Variants in PCDHA4 observed in about 807,000 individuals in gnomAD.
PCDHA4 encodes the protein protocadherin alpha 4, also known as protocadherin alpha-4.
A neutral mutation model predicts 61.4 loss-of-function variants in PCDHA4; 49 were observed. The ratio of observed to expected loss-of-function variants is 0.80; its 90% CI spans 0.63 to 1.01. The LOEUF is 1.01. Among genes scored for constraint, PCDHA4 ranks in the 50% least tolerant of loss-of-function variants. The pLI is 0.00. For missense variants in PCDHA4, 1,254 were observed against 1,235.8 expected (o/e 1.01, Z -0.22); for synonymous variants, 590 against 550.3 (o/e 1.07, Z -1.01).
chr5:140,962,087 A>G (rs1284028102), intron 1 of PCDHA4, among the ~76,000 whole-genome samples: 10 of 151,912 alleles, frequency 6.6e-5, no homozygotes, highest in Non-Finnish European at 1.3e-4. Flanking sequence ...GGGTTTCACC[A>G]TGTTAGCCAG....
chr5:140,897,227 C>T (rs1554187259), intron 1 of PCDHA4, among the ~76,000 whole-genome samples: 1 of 152,036 alleles, frequency 6.6e-6, no homozygotes, highest in Non-Finnish European at 1.5e-5. Flanking sequence ...TACATGTGCA[C>T]AATGTGCAGG....
Position 141,003,903 on chromosome 5 carries a change from G to C in PCDHA4, c.2534-5724G>C, listed in dbSNP as rs150270772. Among the ~76,000 whole-genome samples, 254 of 152,194 alleles carry C rather than the reference G, an allele frequency of 1.7e-3. 1 individual carries two copies. Among genetic ancestry groups the C allele is most frequent in the Non-Finnish European group, 3.4e-3 (231 of 67,998 alleles). ...AGCCTCTTAACAGGCCCATTCATTT[G>C]GGTCTTGACTGCATCCTCAGTCTTG... On this transcript the variant is annotated intron_variant, in intron 3 of 3. Coordinates refer to ENST00000530339, the MANE Select transcript of PCDHA4 (RefSeq NM_018907.4).
rs1554125126 is a variant in PCDHA4 at position 140,809,303 on chromosome 5, G to A, written c.2116G>A (p.Ala706Thr). The change falls in exon 1 of 4, where the codon GCG becomes ACG. Residue 706 changes from alanine (A) to threonine (T), a missense_variant. Physicochemically the swap from Ala to Thr is moderately conservative, Grantham distance 58 (BLOSUM62 0). Coordinates refer to ENST00000530339, the MANE Select transcript of PCDHA4 (RefSeq NM_018907.4). ...CGTATACCTGATCATTGCCATCTGC[G>A]CGGTGTCCAGCCTTTTGGTGCTCAC... ...VNVYLIIAIC[A>T]VSSLLVLTLL... 2.2e-5 allele frequency: 35 copies of A among 1,614,100 alleles called. No individual in the cohort carries two copies. Among genetic ancestry groups the A allele is most frequent in the East Asian group, 8.9e-5 (4 of 44,870 alleles).
chr5:140,977,266 A>G (rs2096753154), intron 1 of PCDHA4, among the ~76,000 whole-genome samples: 3 of 152,240 alleles, frequency 2.0e-5, no homozygotes, highest in Admixed American at 1.3e-4. Context: ...CAGATGTTAC[A>G]GTCTTTCTCA....
At chr5:140,907,406 A>G (rs2073359357) in intron 1 of PCDHA4, among the ~76,000 whole-genome samples, 1 of 152,216 alleles carries the variant, frequency 6.6e-6, no homozygotes, top group African/African-American at 2.4e-5. Context: ...TGTGTGGAAT[A>G]CCACGATGGT....
intron 1 of PCDHA4, among the ~76,000 whole-genome samples, chr5:140,845,370 T>C (rs1032525596): frequency 6.7e-6 from 1 of 149,690 alleles, no homozygotes; most frequent in Non-Finnish European, 1.5e-5. Flanking sequence ...CAAAATATCA[T>C]AAATAGGAGG....
At chr5:140,886,596 G>C (rs1359025262) in intron 1 of PCDHA4, among the ~76,000 whole-genome samples, 1 of 152,008 alleles carries the variant, frequency 6.6e-6, no homozygotes, top group East Asian at 1.9e-4. Context: ...GGGAGGCCAA[G>C]GTGGGCGGAT....
intron 1 of PCDHA4, chr5:140,823,465 C>T (rs1554129364): frequency 2.5e-6 from 4 of 1,613,368 alleles, no homozygotes. Context: ...CGCGCCGGCG[C>T]TGCTGGTGCC....
chr5:140,842,452 C>G lies in PCDHA4; in HGVS notation c.2385+32880C>G, dbSNP rs1777963024. The G allele has an allele frequency of 8.1e-6, 13 of 1,613,732 alleles. 1 individual carries two copies. The highest frequency in any genetic ancestry group is 2.7e-5 in the African/African-American group (2 of 74,852). On this transcript the variant is annotated intron_variant, in intron 1 of 3. Transcript: ENST00000530339. The stretch of plus-strand genomic sequence containing the variant: ...TCGCCCTAATTAGCGTGAACGACCT[C>G]GATTCAGGTGCCAACGGGCAGGTGA...
intron 1 of PCDHA4, chr5:140,883,493 C>G: frequency 6.2e-7 from 1 of 1,614,174 alleles, no homozygotes; most frequent in Non-Finnish European, 8.5e-7. Flanking sequence ...CTCATTAGTG[C>G]TGGACAGCGC....
intron 1 of PCDHA4, chr5:140,835,529 C>A (rs2150237591): frequency 1.2e-6 from 2 of 1,613,850 alleles, no homozygotes; most frequent in Admixed American, 1.7e-5. Context: ...TTGGAGTCAA[C>A]GGACAGGTTA....
intron 1 of PCDHA4, chr5:140,821,825 G>A: frequency 6.2e-7 from 1 of 1,614,132 alleles, no homozygotes; most frequent in South Asian, 1.1e-5. Context: ...CTGCTGCTCT[G>A]GCTTCTCCTT....
chr5:140,869,885 T>C (rs2051479155), intron 1 of PCDHA4: 7 of 1,610,426 alleles, frequency 4.3e-6, no homozygotes, highest in South Asian at 1.1e-5. Context: ...GAAACTCTTG[T>C]GCTCAAACTA....
In PCDHA4 at chr5:140,847,104, A is replaced by G. The variant is rs2150397303; in HGVS notation, c.2385+37532A>G. Among the ~76,000 whole-genome samples, 7 of 149,942 alleles carry G rather than the reference A, an allele frequency of 4.7e-5. 1 individual carries two copies. The East Asian group carries it at 1.4e-3, about 29-fold the overall frequency. On this transcript the variant is annotated intron_variant, in intron 1 of 3. Coordinates refer to ENST00000530339, the MANE Select transcript of PCDHA4 (RefSeq NM_018907.4). ...AAAGTCCACTTTGGTTAAAACACAC[A>G]GTCTGCAGAGAATGAAAGCAGGAAA...
chr5:140,895,885 C>T (rs2065231883), intron 1 of PCDHA4, among the ~76,000 whole-genome samples: 1 of 152,174 alleles, frequency 6.6e-6, no homozygotes, highest in South Asian at 2.1e-4. Context: ...GATCTCGGCT[C>T]ACTGCAACCT....
chr5:140,971,599 A>G (rs891227830), intron 1 of PCDHA4, among the ~76,000 whole-genome samples: 1 of 152,140 alleles, frequency 6.6e-6, no homozygotes, highest in African/African-American at 2.4e-5. Flanking sequence ...GTTACTACAG[A>G]TGGCAGGAGA....
intron 1 of PCDHA4, chr5:140,929,119 G>T (rs2085835460): frequency 1.2e-6 from 2 of 1,614,192 alleles, no homozygotes; most frequent in Non-Finnish European, 1.7e-6. Context: ...AGCCACCATA[G>T]ATGTCACTAC....
intron 1 of PCDHA4, chr5:140,830,575 T>A: frequency 1.1e-6 from 1 of 879,468 alleles, no homozygotes. Context: ...CTGTTTTTAA[T>A]TTTTAATTAA....
At chr5:140,927,303 G>A (rs1554204320) in intron 1 of PCDHA4, 69 of 1,614,150 alleles carry the variant, frequency 4.3e-5, no homozygotes, top group Non-Finnish European at 5.7e-5. Context: ...CCGAGTTCCT[G>A]ACGCCCGGAG....
Sources: gnomAD v4.1 joint callset for allele counts (sites outside exome capture counted in the v4.1 genomes callset) on GRCh38, gnomAD v4.1.1 for gene constraint, MANE v1.5 for transcripts, NCBI Gene and HGNC (gene_info 2026-07-23, HGNC 2026-07-21) for gene names.